The following CLCN1 variants were observed in gnomAD, a reference collection of about 807,000 sequenced individuals.
CLCN1 encodes chloride channel protein 1.
A neutral mutation model predicts 114.5 loss-of-function variants in CLCN1; 100 were observed. That is an observed-to-expected ratio of 0.87 (90% confidence interval 0.74 to 1.03). The LOEUF is 1.03. Among genes scored for constraint, CLCN1 ranks in the 50% least tolerant of loss-of-function variants. CLCN1 has a pLI of 0.00. For missense variants in CLCN1, 1,188 were observed against 1,250.0 expected (o/e 0.95, Z 0.75); for synonymous variants, 485 against 487.1 (o/e 1.00, Z 0.06).
intron 2 of CLCN1, among the ~76,000 whole-genome samples, chr7:143,320,312 C>G (rs1802390696): frequency 6.6e-6 from 1 of 152,220 alleles, no homozygotes; most frequent in South Asian, 2.1e-4. Flanking sequence ...CTCTTCACCT[C>G]CTTCGCACTT....
intron 8 of CLCN1, 138 bp from the exon 9 acceptor site, chr7:143,331,094 G>A: frequency 9.5e-7 from 1 of 1,050,854 alleles, no homozygotes; most frequent in South Asian, 1.3e-5. Flanking sequence ...AGTGTGCGTA[G>A]AAAAAAGGAA....
rs773205379 is a variant in CLCN1 at position 143,319,822 on chromosome 7, G to C, written c.248G>C (p.Gly83Ala). Residue 83 changes from glycine to alanine, a missense_variant, in exon 2 of 23, where the codon GGC becomes GCC. Gly to Ala is a moderately conservative substitution (Grantham distance 60). Coordinates refer to ENST00000343257, the MANE Select transcript of CLCN1 (RefSeq NM_000083.3). ...EQDIGMPKKTGSSSTVDSKDE... is the reference protein window; with the variant it reads ...EQDIGMPKKTASSSTVDSKDE... ...GACATAGGGATGCCCAAGAAGACAG[G>C]CTCCAGTTCTACCGTGGACAGCAAG... 6.2e-7 allele frequency: 1 copy of C among 1,613,752 alleles called. No homozygotes were observed. Among genetic ancestry groups the C allele is most frequent in the East Asian group, 2.2e-5 (1 of 44,884 alleles).
chr7:143,317,077 A>G (rs979287757), intron 1 of CLCN1, among the ~76,000 whole-genome samples: 13 of 152,158 alleles, frequency 8.5e-5, no homozygotes, highest in Non-Finnish European at 5.9e-5. Context: ...TTGGTGGGAT[A>G]TGAACACCTA....
At chr7:143,337,343 T>G (rs1301743263) in intron 12 of CLCN1, among the ~76,000 whole-genome samples, 2 of 152,240 alleles carry the variant, frequency 1.3e-5, no homozygotes, top group African/African-American at 4.8e-5. Flanking sequence ...ATTCTCAGTC[T>G]CTATTCTCTT....
chr7:143,339,286 ATACCCTGCGGAGGC>A lies in CLCN1; in HGVS notation c.1437_1450del (p.Pro480HisfsTer24), dbSNP rs768119034. On this transcript the variant is annotated frameshift_variant, in exon 13 of 23. Transcript: ENST00000343257. LOFTEE classifies it high-confidence loss of function. This position sits in a 1 kb window ranked among gnomAD's most constrained non-coding sequence, Gnocchi z 4.1. ...GTCCATCGTGGCCACCACTATGCCC[ATACCCTGCGGAGGC>A]TTCATGCCTGTGTTTGTGCTAGGTA... 1.2e-4 allele frequency: 191 copies of A among 1,613,556 alleles called. No individual in the cohort carries two copies. Among genetic ancestry groups the A allele is most frequent in the Non-Finnish European group, 1.5e-4 (180 of 1,179,546 alleles).
chr7:143,316,518 G>A, intron 1 of CLCN1, 126 bp downstream of exon 1: 1 of 870,976 alleles, frequency 1.1e-6, no homozygotes, highest in Non-Finnish European at 1.8e-6. Context: ...TAAAAAACAA[G>A]TACGTGGTGA....
rs1803375815 is a variant in CLCN1, at chr7:143,350,800, A to G, written c.2595+146A>G. The stretch of plus-strand genomic sequence containing the variant: ...TCTTTCTTTTTTTTTTTTTTGAGAC[A>G]GAGTTTCACTCTTGTCGCCCAGGCT... On this transcript the variant is annotated intron_variant, in intron 22 of 22. Coordinates refer to ENST00000343257, the MANE Select transcript of CLCN1 (RefSeq NM_000083.3). This position sits in a 1 kb window ranked among gnomAD's most constrained non-coding sequence, Gnocchi z 5.1. 1.5e-5 allele frequency: 10 copies of G among 656,448 alleles called. No homozygotes were observed. Among genetic ancestry groups the G allele is most frequent in the Non-Finnish European group, 2.6e-5 (10 of 380,674 alleles). The allele number at this position is 656,448 out of a possible 1,614,324, so 40.7% of individuals were successfully genotyped here.
At chr7:143,351,457 TC>T (rs1180792724) in intron 22 of CLCN1, 136 bp from the exon 23 acceptor site, 2 of 867,506 alleles carry the variant, frequency 2.3e-6, no homozygotes, top group Non-Finnish European at 1.8e-6. Context: ...TTTCTCTTTC[TC>T]CCCGTTTTGC....
At chr7:143,337,882 A>G (rs976297353) in intron 12 of CLCN1, among the ~76,000 whole-genome samples, 2 of 119,126 alleles carry the variant, frequency 1.7e-5, no homozygotes, top group Non-Finnish European at 3.2e-5. Flanking sequence ...GCTGGAGGGC[A>G]GTGGCATGAT....
intron 16 of CLCN1, among the ~76,000 whole-genome samples, chr7:143,343,718 T>C (rs117931888): frequency 1.2e-4 from 16 of 129,268 alleles, no homozygotes; most frequent in Non-Finnish European, 2.2e-4. Flanking sequence ...TTCTTTCTCT[T>C]TCTTTCTTTC....
chr7:143,329,030 C>T lies in CLCN1; in HGVS notation c.854-1742C>T, dbSNP rs149413808. On this transcript the variant is annotated intron_variant, in intron 7 of 22. Coordinates refer to ENST00000343257, the MANE Select transcript of CLCN1 (RefSeq NM_000083.3). ...TCACCCAGGCTGGAGTATAGAGGTG[C>T]GATCTCGGCTCACTGCAACCTGCGT... is the stretch of plus-strand genomic sequence containing the variant. Among the ~76,000 whole-genome samples, 69 of 148,880 alleles carry T rather than the reference C, an allele frequency of 4.6e-4. No individual in the cohort carries two copies. In the Middle Eastern group the frequency reaches 0.011, roughly 23 times the overall value.
At position 143,332,945 on chromosome 7, in the gene CLCN1, G is replaced by A. The variant is rs1440023611; in HGVS notation, c.1401+72G>A. 1.8e-5 allele frequency: 26 copies of A among 1,468,570 alleles called. 1 individual carries two copies. The highest frequency in any genetic ancestry group is 1.7e-4 in the Middle Eastern group (1 of 5,786). 91.0% of individuals were successfully genotyped at this position (1,468,570 alleles called of 1,614,324 possible). A position where few individuals can be genotyped will look rare whatever the true frequency, so the allele number is the denominator to read the frequency against. On this transcript the variant is annotated intron_variant, in intron 12 of 22. Coordinates refer to ENST00000343257, the MANE Select transcript of CLCN1 (RefSeq NM_000083.3). ...AATCTATGAACCCAGGGTTTGCATA[G>A]GGTAGGAAGGGGTAGAACTTCATTT...
Position 143,330,830 on chromosome 7 carries a change from AG to A in CLCN1, c.914del (p.Gly305AspfsTer41). 1 of 1,614,158 alleles carries A rather than the reference AG, an allele frequency of 6.2e-7. No homozygotes were observed. Among genetic ancestry groups the A allele is most frequent in the Non-Finnish European group, 8.5e-7 (1 of 1,180,032 alleles). On this transcript the variant is annotated frameshift_variant, in exon 8 of 23. Coordinates refer to ENST00000343257, the MANE Select transcript of CLCN1 (RefSeq NM_000083.3). LOFTEE classifies it high-confidence loss of function. ...TYFAVRNYWR[G>X]FFAATFSAFV... Reference sequence around the variant, plus strand: ...ACTTTGCTGTTCGGAACTACTGGAGAGGATTCTTTGCAGCCACGTTCAGCGC... The same window carrying A: ...ACTTTGCTGTTCGGAACTACTGGAGAGATTCTTTGCAGCCACGTTCAGCGC...
intron 7 of CLCN1, among the ~76,000 whole-genome samples, chr7:143,327,630 A>G (rs1802609423): frequency 6.6e-6 from 1 of 152,176 alleles, no homozygotes; most frequent in Non-Finnish European, 1.5e-5. Flanking sequence ...GGTAGAAAGT[A>G]AAATTGATAT....
intron 7 of CLCN1, among the ~76,000 whole-genome samples, chr7:143,329,990 T>C (rs1276060305): frequency 6.6e-6 from 1 of 152,142 alleles, no homozygotes; most frequent in Non-Finnish European, 1.5e-5. Context: ...ACCCCCTCAA[T>C]TTCTGCTCCA....
In CLCN1 at chr7:143,346,267, C is replaced by A. The variant is rs1448406346; in HGVS notation, c.2284+16C>A. The A allele has an allele frequency of 4.6e-6, 7 of 1,538,426 alleles. No individual in the cohort carries two copies. Among genetic ancestry groups the A allele is most frequent in the Non-Finnish European group, 6.3e-6 (7 of 1,111,866 alleles). On this transcript the variant is annotated intron_variant, in intron 18 of 22. Transcript: ENST00000343257. Reference sequence around the variant, plus strand: ...GAGCCTGCAGGTGACGCTCTTCCCTCATGCACCCCAACTCACCCCTTGTGG... The same window carrying A: ...GAGCCTGCAGGTGACGCTCTTCCCTAATGCACCCCAACTCACCCCTTGTGG...
In CLCN1 at chr7:143,339,714, A is replaced by T; in HGVS notation, c.1582+93A>T. On this transcript the variant is annotated intron_variant, in intron 14 of 22. Coordinates refer to ENST00000343257, the MANE Select transcript of CLCN1 (RefSeq NM_000083.3). The surrounding 1 kb of genome is among the most constrained non-coding windows in gnomAD (Gnocchi z 4.1). ...CCATTGGATCTTCATTCTAGGCTAC[A>T]CAATACGGTTTTAATTTAGTGCTAC... 1 of 834,586 alleles carries T rather than the reference A, an allele frequency of 1.2e-6. No homozygotes were observed. Among genetic ancestry groups the T allele is most frequent in the Non-Finnish European group, 2.1e-6 (1 of 481,348 alleles). The allele number at this position is 834,586 out of a possible 1,614,324, so 51.7% of individuals were successfully genotyped here. A position where few individuals can be genotyped will look rare whatever the true frequency, so the allele number is the denominator to read the frequency against.
chr7:143,316,116 C>G lies in CLCN1; in HGVS notation c.-97C>G. 1.0e-6 allele frequency: 1 copy of G among 990,670 alleles called. No homozygotes were observed. The highest frequency in any genetic ancestry group is 1.6e-6 in the Non-Finnish European group (1 of 628,412). 61.4% of individuals were successfully genotyped at this position (990,670 alleles called of 1,614,324 possible). Reference sequence around the variant, plus strand: ...GGAGGTGGGCATGCTGCCCCAGACGCCTTGGGGACAGCAAGAGCAGAGGCT... The same window carrying G: ...GGAGGTGGGCATGCTGCCCCAGACGGCTTGGGGACAGCAAGAGCAGAGGCT... On this transcript the variant is annotated 5_prime_UTR_variant, in exon 1 of 23. Coordinates refer to ENST00000343257, the MANE Select transcript of CLCN1 (RefSeq NM_000083.3).
At position 143,351,761 on chromosome 7, in the gene CLCN1, T is replaced by C; in HGVS notation, c.2763T>C (p.Asp921=). 1.2e-6 allele frequency: 2 copies of C among 1,614,074 alleles called. No homozygotes were observed. The highest frequency in any genetic ancestry group is 1.7e-6 in the Non-Finnish European group (2 of 1,180,006). Reference sequence around the variant, plus strand: ...GGCCTGGGGCCACTGGAACAGGGGATGTGATTGCTGCCTCCCCAGAGACCC... The same window carrying C: ...GGCCTGGGGCCACTGGAACAGGGGACGTGATTGCTGCCTCCCCAGAGACCC... ...EDRPGATGTG[D]VIAASPETPV... Residue 921 remains aspartate (D), a synonymous_variant, in exon 23 of 23, where the codon GAT becomes GAC. Coordinates refer to ENST00000343257, the MANE Select transcript of CLCN1 (RefSeq NM_000083.3).
Sources: allele counts gnomAD v4.1 joint callset (sites outside exome capture counted in the v4.1 genomes callset), GRCh38; gene constraint gnomAD v4.1.1; non-coding constraint Gnocchi (gnomAD v3.1); transcripts MANE v1.5; gene names NCBI Gene and HGNC (gene_info 2026-07-23, HGNC 2026-07-21).